METTL9: variants seen among roughly 807,000 people sequenced by gnomAD.
The protein encoded by METTL9 is methyltransferase 9, His-X-His N1(pi)-histidine, also known as protein-L-histidine N-pros-methyltransferase.
Under a neutral mutation model 36.0 loss-of-function variants are expected in METTL9, and 10 were observed. The ratio of observed to expected loss-of-function variants is 0.28; its 90% CI spans 0.17 to 0.47. METTL9 has a LOEUF of 0.47. METTL9 is among the 20% of genes least tolerant of loss of function. The probability of loss-of-function intolerance (pLI) is 0.99; values close to 1 mark genes in which losing one functional copy is unlikely to be tolerated. For missense variants in METTL9, 246 were observed against 383.5 expected, an observed-to-expected ratio of 0.64 and a Z score of 3.00; for synonymous variants, 175 against 149.7, an observed-to-expected ratio of 1.17 and a Z score of -1.23.
intron 1 of METTL9, chr16:21,612,321 C>T (rs921444766): frequency 5.4e-5 from 11 of 202,806 alleles, no homozygotes; most frequent in Non-Finnish European, 2.9e-5. Flanking sequence ...AAGCACTGGG[C>T]TGGGAGTCCG....
intron 4 of METTL9, chr16:21,641,586 T>C: frequency 1.9e-6 from 3 of 1,574,214 alleles, no homozygotes; most frequent in South Asian, 1.1e-5. Context: ...AGTGTTGTTA[T>C]CTTTCTCCTG....
At chr16:21,647,240 C>T (rs2141619060) in intron 4 of METTL9, 2 of 1,614,188 alleles carry the variant, frequency 1.2e-6, no homozygotes, top group East Asian at 2.2e-5. Context: ...TGAAGTCACT[C>T]TGTTTACAGT....
At chr16:21,602,448 T>A (rs1965157986) in intron 1 of METTL9, among the ~76,000 whole-genome samples, 1 of 152,150 alleles carries the variant, frequency 6.6e-6, no homozygotes, top group African/African-American at 2.4e-5. Context: ...AAACTGGGAT[T>A]ATGTTTCACT....
Position 21,644,354 on chromosome 16 carries a change from G to A in METTL9, c.752-10873G>A, listed in dbSNP as rs199935071. The A allele has an allele frequency of 7.4e-6, 12 of 1,613,886 alleles. No individual in the cohort carries two copies. The highest frequency in any genetic ancestry group is 8.5e-6 in the Non-Finnish European group (10 of 1,179,910). Reference sequence around the variant, plus strand: ...ATAGACAGAGAGCAGTGATACAAGAGCTGTCAGGAAGCTCCGCAGTTCCTT... The same window carrying A: ...ATAGACAGAGAGCAGTGATACAAGAACTGTCAGGAAGCTCCGCAGTTCCTT... On this transcript the variant is annotated intron_variant, in intron 4 of 4. Transcript: ENST00000358154.
At position 21,599,864 on chromosome 16, in the gene METTL9, C is replaced by T; in HGVS notation, c.131C>T (p.Ala44Val). The stretch of plus-strand genomic sequence containing the variant: ...ATGACTAGCGGCCCGGGTGGGCCGG[C>T]GGCGGCCGCGGGCGGCAGGAAGGAG... ...VNMTSGPGGPAAAAGGRKENH... is the reference protein window; with the variant it reads ...VNMTSGPGGPVAAAGGRKENH... Residue 44 changes from alanine to valine, a missense_variant, in exon 1 of 5, where the codon GCG (alanine) becomes GTG (valine). Ala to Val is a moderately conservative substitution (Grantham distance 64, BLOSUM62 0). This residue lies in a region of METTL9 where 100 missense variants were observed against 81.4 expected (regional missense o/e 1.23). Coordinates refer to ENST00000358154, the MANE Select transcript of METTL9 (RefSeq NM_016025.5). This position sits in a 1 kb window ranked among gnomAD's most constrained non-coding sequence, Gnocchi z 4.4. The T allele has an allele frequency of 1.3e-6, 2 of 1,485,708 alleles. No individual in the cohort carries two copies. Among genetic ancestry groups the T allele is most frequent in the Non-Finnish European group, 1.8e-6 (2 of 1,122,702 alleles). The allele number at this position is 1,485,708 out of a possible 1,614,324, so 92.0% of individuals were successfully genotyped here.
At chr16:21,641,622 G>GTT (rs1331780243) in intron 4 of METTL9, 1 of 1,456,724 alleles carries the variant, frequency 6.9e-7, no homozygotes, top group Admixed American at 1.8e-5. Context: ...AGAAAGCCAT[G>GTT]TTTAAGGTTA....
chr16:21,651,693 A>C (rs1429545197), intron 4 of METTL9, among the ~76,000 whole-genome samples: 1 of 152,056 alleles, frequency 6.6e-6, no homozygotes, highest in Non-Finnish European at 1.5e-5. Context: ...CTTCGACCCA[A>C]TCTTGTTTCT....
intron 3 of METTL9, 33 bp downstream of exon 3, chr16:21,618,107 C>A (rs750851293): frequency 5.0e-6 from 7 of 1,397,134 alleles, no homozygotes; most frequent in Non-Finnish European, 6.8e-6. Context: ...TGCATTTCTT[C>A]TTGAAAGTAT....
chr16:21,613,061 T>TA, intron 2 of METTL9, among the ~76,000 whole-genome samples: 1 of 151,982 alleles, frequency 6.6e-6, no homozygotes, highest in East Asian at 1.9e-4. Context: ...TAGCGGGAGT[T>TA]ACTTACGGTA....
chr16:21,655,516 G>A lies in METTL9; in HGVS notation c.*84G>A. 3 of 1,203,158 alleles carry A rather than the reference G, an allele frequency of 2.5e-6. No homozygotes were observed. The South Asian group carries it at 4.3e-5, about 17-fold the overall frequency. The allele number at this position is 1,203,158 out of a possible 1,614,324, so 74.5% of individuals were successfully genotyped here. A position where few individuals can be genotyped will look rare whatever the true frequency, so the allele number is the denominator to read the frequency against. On this transcript the variant is annotated 3_prime_UTR_variant, in exon 5 of 5. Coordinates refer to ENST00000358154, the MANE Select transcript of METTL9 (RefSeq NM_016025.5). ...GGTCTGTGTTCACAATTACGTGAAG[G>A]GAGGACCCTTGGGGACCGCCATTCT...
At chr16:21,623,639 G>A (rs1313170827) in intron 3 of METTL9, among the ~76,000 whole-genome samples, 1 of 152,152 alleles carries the variant, frequency 6.6e-6, no homozygotes, top group African/African-American at 2.4e-5. Context: ...GTAGAGGACT[G>A]AAAATGTTCT....
chr16:21,606,721 C>A (rs1965297905), intron 1 of METTL9, among the ~76,000 whole-genome samples: 2 of 152,116 alleles, frequency 1.3e-5, no homozygotes, highest in Admixed American at 1.3e-4. Flanking sequence ...ACTCTTATTA[C>A]CCTGAGATTC....
intron 4 of METTL9, among the ~76,000 whole-genome samples, chr16:21,633,076 GA>G (rs1485957682): frequency 6.6e-6 from 1 of 152,036 alleles, no homozygotes; most frequent in Non-Finnish European, 1.5e-5. Context: ...TGTATCTGGG[GA>G]TCCATAGTCA....
At chr16:21,647,263 G>C in intron 4 of METTL9, 6 of 1,614,182 alleles carry the variant, frequency 3.7e-6, no homozygotes, top group Non-Finnish European at 5.1e-6. Flanking sequence ...GGGAAACTTG[G>C]TTTTCTTTGA....
intron 4 of METTL9, among the ~76,000 whole-genome samples, chr16:21,629,100 G>T (rs1025312186): frequency 6.6e-6 from 1 of 151,812 alleles, no homozygotes; most frequent in Non-Finnish European, 1.5e-5. Flanking sequence ...CGCTATGTTG[G>T]CCAGGCTGAT....
rs1318389667 is a variant in METTL9 at position 21,657,415 on chromosome 16, T to C, written c.*1983T>C. On this transcript the variant is annotated 3_prime_UTR_variant, in exon 5 of 5. Transcript: ENST00000358154. ...TGAGTGTCAATGGCTTTTTTCCCCG[T>C]AAATGGAATCATGTTTTTCTCCCCC... 1 of 152,160 alleles carries C rather than the reference T, an allele frequency of 6.6e-6. No homozygotes were observed. The highest frequency in any genetic ancestry group is 2.4e-5 in the African/African-American group (1 of 41,420). The allele number at this position is 152,160 out of a possible 1,614,324, so 9.4% of individuals were successfully genotyped here.
At chr16:21,631,568 T>G (rs1965961816) in intron 4 of METTL9, among the ~76,000 whole-genome samples, 1 of 152,202 alleles carries the variant, frequency 6.6e-6, no homozygotes, top group Non-Finnish European at 1.5e-5. Flanking sequence ...TACTGAATAC[T>G]CATTGTGTCG....
chr16:21,617,949 C>T lies in METTL9; in HGVS notation c.441C>T (p.His147=), dbSNP rs769456118. The T allele has an allele frequency of 6.2e-7, 1 of 1,613,932 alleles. No individual in the cohort carries two copies. Among genetic ancestry groups the T allele is most frequent in the African/African-American group, 1.3e-5 (1 of 75,004 alleles). ...AAATTAATCCAGACTGGAAAACCCA[C>T]AGACTTCTTGATTTAGGTGCTGGAG... ...LLKINPDWKT[H]RLLDLGAGDG... Residue 147 remains histidine, a synonymous_variant, in exon 3 of 5, where the codon CAC becomes CAT. Transcript: ENST00000358154.
At chr16:21,603,775 C>T (rs777745960) in intron 1 of METTL9, among the ~76,000 whole-genome samples, 8 of 151,978 alleles carry the variant, frequency 5.3e-5, no homozygotes, top group African/African-American at 1.5e-4. Context: ...ACGATTTCTC[C>T]GGGTGACATA....
Sources: gnomAD v4.1 joint callset for allele counts (sites outside exome capture counted in the v4.1 genomes callset) on GRCh38, gnomAD v4.1.1 for gene constraint, gnomAD v4.1.1 regional missense constraint, Gnocchi (gnomAD v3.1) non-coding constraint, MANE v1.5 for transcripts, NCBI Gene and HGNC (gene_info 2026-07-23, HGNC 2026-07-21) for gene names.